The following CDH4 variants were observed in gnomAD, a reference collection of about 807,000 sequenced individuals.
The protein encoded by CDH4 is cadherin 4.
CDH4 carries 33 observed loss-of-function variants against 86.0 expected under a neutral mutation model. The observed-to-expected ratio is 0.38, with a 90% confidence interval of 0.29 to 0.51. The LOEUF is 0.51. CDH4 is among the 20% of genes least tolerant of loss of function. The pLI is 0.86. For missense variants in CDH4, 1,114 were observed against 1,307.4 expected (o/e 0.85, Z 2.28); for synonymous variants, 555 against 549.4 (o/e 1.01, Z -0.14).
At chr20:61,471,530 ATTTT>A (rs2085503475) in intron 2 of CDH4, among the ~76,000 whole-genome samples, 1 of 138,152 alleles carries the variant, frequency 7.2e-6, no homozygotes, top group South Asian at 2.3e-4. Flanking sequence ...TTTTGTTCTG[ATTTT>A]TATTATTTCT....
intron 2 of CDH4, among the ~76,000 whole-genome samples, chr20:61,410,426 A>G (rs1395678681): frequency 3.6e-5 from 5 of 139,130 alleles, no homozygotes; most frequent in African/African-American, 1.3e-4. Context: ...TCCATCTTCC[A>G]TTCCTCCCAC....
intron 3 of CDH4, among the ~76,000 whole-genome samples, chr20:61,758,114 C>G (rs2088587598): frequency 6.6e-6 from 1 of 152,070 alleles, no homozygotes; most frequent in Non-Finnish European, 1.5e-5. Flanking sequence ...AAATGCTGTG[C>G]AGGCACATTC....
chr20:61,514,368 G>A (rs1461463228), intron 2 of CDH4, among the ~76,000 whole-genome samples: 6 of 123,458 alleles, frequency 4.9e-5, no homozygotes, highest in East Asian at 4.7e-4. Flanking sequence ...GGCATTTTCT[G>A]TCTGGTGGGG....
intron 2 of CDH4, among the ~76,000 whole-genome samples, chr20:61,277,359 T>C (rs1486384828): frequency 3.3e-5 from 5 of 152,192 alleles, no homozygotes; most frequent in Admixed American, 3.3e-4. Flanking sequence ...TGTGGCCTTG[T>C]TGTGACTTTG....
chr20:61,801,015 T>A (rs1030675938), intron 4 of CDH4, among the ~76,000 whole-genome samples: 1 of 152,126 alleles, frequency 6.6e-6, no homozygotes, highest in Non-Finnish European at 1.5e-5. Context: ...GGGGCACTGA[T>A]TGTCCCCTTC....
intron 4 of CDH4, among the ~76,000 whole-genome samples, chr20:61,804,435 C>T (rs1980014708): frequency 6.6e-6 from 1 of 152,232 alleles, no homozygotes; most frequent in African/African-American, 2.4e-5. Context: ...GCCTCGGCCT[C>T]ACCCACTGCT....
chr20:61,891,821 C>A (rs533392355), intron 7 of CDH4, among the ~76,000 whole-genome samples: 41 of 152,360 alleles, frequency 2.7e-4, no homozygotes, highest in Middle Eastern at 3.4e-3. Context: ...CACCCTGTCA[C>A]CTTCAGGCAG....
chr20:61,262,239 G>A lies in CDH4; in HGVS notation c.169+7302G>A, dbSNP rs78415146. ...TGACGGCCTCTCTTGAGCTGATGCCGTGAGAGCTGGTCCTGAGGCTGCCGT... is the reference window on the plus strand; with the variant it reads ...TGACGGCCTCTCTTGAGCTGATGCCATGAGAGCTGGTCCTGAGGCTGCCGT... On this transcript the variant is annotated intron_variant, in intron 2 of 15. Coordinates refer to ENST00000614565, the MANE Select transcript of CDH4 (RefSeq NM_001794.5). 0.017 allele frequency among the ~76,000 whole-genome samples: 2,526 copies of A among 152,314 alleles called. 121 individuals carry two copies. The East Asian group carries it at 0.17, about 11-fold the overall frequency.
At chr20:61,817,556 G>A (rs545282874) in intron 4 of CDH4, among the ~76,000 whole-genome samples, 1 of 151,994 alleles carries the variant, frequency 6.6e-6, no homozygotes, top group South Asian at 2.1e-4. Flanking sequence ...CTGGAGTGCA[G>A]TGGGGTATGC....
At chr20:61,908,838 C>T (rs570638248) in intron 8 of CDH4, among the ~76,000 whole-genome samples, 2 of 152,222 alleles carry the variant, frequency 1.3e-5, no homozygotes, top group African/African-American at 4.8e-5. Flanking sequence ...GACAAAGCCC[C>T]GTCCCAACGG....
intron 2 of CDH4, among the ~76,000 whole-genome samples, chr20:61,331,342 G>A (rs148390778): frequency 7.9e-5 from 12 of 152,096 alleles, no homozygotes; most frequent in Admixed American, 3.3e-4. Context: ...GCATGAGTCC[G>A]ACCATGTCAC....
chr20:61,761,554 G>T (rs1006714093), intron 3 of CDH4, among the ~76,000 whole-genome samples: 2 of 152,092 alleles, frequency 1.3e-5, no homozygotes, highest in African/African-American at 4.8e-5. Context: ...AACAGGAGCC[G>T]AAAATGCACT....
intron 3 of CDH4, among the ~76,000 whole-genome samples, chr20:61,752,046 C>A (rs1343682968): frequency 6.6e-6 from 1 of 152,174 alleles, no homozygotes; most frequent in Non-Finnish European, 1.5e-5. Flanking sequence ...AAAATAAGAA[C>A]TTCTGCCAGG....
At chr20:61,757,072 G>A (rs750391928) in intron 3 of CDH4, among the ~76,000 whole-genome samples, 6 of 152,378 alleles carry the variant, frequency 3.9e-5, no homozygotes, top group Non-Finnish European at 8.8e-5. Flanking sequence ...TTTTGAAGAT[G>A]ACGAGCTATT....
intron 7 of CDH4, among the ~76,000 whole-genome samples, chr20:61,875,824 TAGTG>T (rs1402159549): frequency 6.6e-6 from 1 of 152,110 alleles, no homozygotes; most frequent in African/African-American, 2.4e-5. Context: ...GGAGTGCTGT[TAGTG>T]AGGCCCATAC....
chr20:61,313,803 C>T (rs6093092), intron 2 of CDH4, among the ~76,000 whole-genome samples: 2,097 of 152,328 alleles, frequency 0.014, 57 homozygotes, highest in African/African-American at 0.048. Context: ...GTGGTGCAAT[C>T]ATAGCCCACT....
chr20:61,560,293 T>A (rs1460803963), intron 2 of CDH4, among the ~76,000 whole-genome samples: 2 of 152,192 alleles, frequency 1.3e-5, no homozygotes, highest in Non-Finnish European at 2.9e-5. Flanking sequence ...GGGGTACATG[T>A]GCAGGTTTGT....
intron 2 of CDH4, among the ~76,000 whole-genome samples, chr20:61,384,592 C>T (rs1036620123): frequency 2.0e-5 from 3 of 152,180 alleles, no homozygotes; most frequent in African/African-American, 7.2e-5. Flanking sequence ...CTACCCTTTT[C>T]TTTCTAATCC....
chr20:61,359,913 T>G (rs2084774763), intron 2 of CDH4, among the ~76,000 whole-genome samples: 1 of 152,198 alleles, frequency 6.6e-6, no homozygotes, highest in Non-Finnish European at 1.5e-5. Flanking sequence ...CAAATCTTCC[T>G]GGAAGGAAAG....
Sources: allele counts gnomAD v4.1 joint callset (sites outside exome capture counted in the v4.1 genomes callset), GRCh38; gene constraint gnomAD v4.1.1; transcripts MANE v1.5; gene names NCBI Gene and HGNC (gene_info 2026-07-23, HGNC 2026-07-21).